CPLX2: variants seen among roughly 807,000 people sequenced by gnomAD.
CPLX2 encodes complexin 2.
Under a neutral mutation model 16.3 loss-of-function variants are expected in CPLX2, and 5 were observed. That is an observed-to-expected ratio of 0.31 (90% CI 0.16 to 0.64). The LOEUF is 0.64. Among genes scored for constraint, CPLX2 ranks in the 30% least tolerant of loss-of-function variants. CPLX2 has a pLI of 0.79. For missense variants in CPLX2, 144 were observed against 181.4 expected (o/e 0.79, Z 1.18); for synonymous variants, 89 against 73.2 (o/e 1.22, Z -1.10).
intron 2 of CPLX2, among the ~76,000 whole-genome samples, chr5:175,827,843 T>C (rs1393090108): frequency 6.6e-6 from 1 of 152,158 alleles, no homozygotes; most frequent in African/African-American, 2.4e-5. Context: ...AAAAACCAAC[T>C]GCAACTATTC....
At chr5:175,862,908 C>A (rs1561787221) in intron 2 of CPLX2, among the ~76,000 whole-genome samples, 1 of 152,122 alleles carries the variant, frequency 6.6e-6, no homozygotes, top group Non-Finnish European at 1.5e-5. Flanking sequence ...TGATGCCACA[C>A]GAGGAAGGAG....
At chr5:175,797,318 G>A (rs1758004991) in intron 1 of CPLX2, among the ~76,000 whole-genome samples, 1 of 152,154 alleles carries the variant, frequency 6.6e-6, no homozygotes, top group Non-Finnish European at 1.5e-5. Flanking sequence ...TAGCACAGCC[G>A]CGCGTCTCCG....
chr5:175,836,992 A>G (rs1210886005), intron 2 of CPLX2, among the ~76,000 whole-genome samples: 1 of 152,256 alleles, frequency 6.6e-6, no homozygotes, highest in East Asian at 1.9e-4. Context: ...TCAGTTCTCA[A>G]GAAAACCTCT....
chr5:175,842,483 C>T (rs928031939), intron 2 of CPLX2, among the ~76,000 whole-genome samples: 2 of 152,256 alleles, frequency 1.3e-5, no homozygotes, highest in African/African-American at 4.8e-5. Context: ...CAGCTCTCAG[C>T]TCCTTTAGCA....
At chr5:175,804,823 A>G (rs950429307) in intron 1 of CPLX2, among the ~76,000 whole-genome samples, 1 of 152,146 alleles carries the variant, frequency 6.6e-6, no homozygotes, top group Non-Finnish European at 1.5e-5. Context: ...TGACTACCCA[A>G]CCCTGTTAGA....
intron 1 of CPLX2, among the ~76,000 whole-genome samples, chr5:175,803,325 C>T (rs1471545130): frequency 2.6e-5 from 4 of 152,148 alleles, no homozygotes; most frequent in African/African-American, 9.7e-5. Flanking sequence ...CTCTATGGAG[C>T]TCACTTTCTA....
intron 2 of CPLX2, among the ~76,000 whole-genome samples, chr5:175,853,577 TATGCTGGGGAC>T (rs1270037133): frequency 6.6e-6 from 1 of 152,110 alleles, no homozygotes; most frequent in Admixed American, 6.5e-5. Flanking sequence ...TGCCCTGAGA[TATGCTGGGGAC>T]AAGGGGCAGA....
intron 2 of CPLX2, among the ~76,000 whole-genome samples, chr5:175,834,282 G>C (rs967258613): frequency 6.6e-6 from 1 of 152,152 alleles, no homozygotes; most frequent in Non-Finnish European, 1.5e-5. Context: ...GCTCAGAAAC[G>C]GTCCAGAGAT....
chr5:175,850,337 C>T (rs1759127833), intron 2 of CPLX2, among the ~76,000 whole-genome samples: 1 of 152,110 alleles, frequency 6.6e-6, no homozygotes, highest in South Asian at 2.1e-4. Flanking sequence ...GTATGGAAAA[C>T]GCAAGTCTGG....
intron 2 of CPLX2, among the ~76,000 whole-genome samples, chr5:175,829,523 G>A (rs1863931): frequency 0.24 from 37,221 of 152,074 alleles, 5,346 homozygotes; most frequent in African/African-American, 0.38. Context: ...CCTTCCCTCG[G>A]ACTTCTGCTG....
intron 2 of CPLX2, among the ~76,000 whole-genome samples, chr5:175,865,728 C>G (rs554577916): frequency 1.3e-5 from 2 of 152,314 alleles, no homozygotes; most frequent in Admixed American, 6.5e-5. Flanking sequence ...ACTCTATTGA[C>G]CCAGGGCAAG....
rs1030408282 is a variant in CPLX2, at chr5:175,881,663, T to G, written c.*1618T>G. 18 of 152,752 alleles carry G rather than the reference T, an allele frequency of 1.2e-4. No homozygotes were observed. Among genetic ancestry groups the G allele is most frequent in the African/African-American group, 4.3e-4 (18 of 41,460 alleles). 9.5% of individuals were successfully genotyped at this position (152,752 alleles called of 1,614,324 possible). A position where few individuals can be genotyped will look rare whatever the true frequency, so the allele number is the denominator to read the frequency against. On this transcript the variant is annotated 3_prime_UTR_variant, in exon 4 of 4. Coordinates refer to ENST00000393745, the MANE Select transcript of CPLX2 (RefSeq NM_001008220.2). ...TGTCCCTTCCCAGCCCTGAGACCAC[T>G]GGTCACAGTTGGCCACCTCCAACGG...
At chr5:175,826,847 A>C (rs1331907642) in intron 2 of CPLX2, among the ~76,000 whole-genome samples, 1 of 152,194 alleles carries the variant, frequency 6.6e-6, no homozygotes, top group East Asian at 1.9e-4. Context: ...GTTGCAAGTG[A>C]GCAAAATCCA....
chr5:175,862,147 T>C (rs559585321), intron 2 of CPLX2, among the ~76,000 whole-genome samples: 6 of 152,356 alleles, frequency 3.9e-5, no homozygotes, highest in Non-Finnish European at 8.8e-5. Flanking sequence ...TTTCTCACCA[T>C]GTATCCCCAG....
chr5:175,844,690 T>TGG (rs1025229411), intron 2 of CPLX2, among the ~76,000 whole-genome samples: 5 of 152,246 alleles, frequency 3.3e-5, no homozygotes, highest in African/African-American at 7.2e-5. Context: ...GGCCGGAGGC[T>TGG]GGCGGAGCTT....
intron 2 of CPLX2, chr5:175,837,389 G>A (rs1250247509): frequency 6.6e-6 from 1 of 152,158 alleles, no homozygotes; most frequent in Non-Finnish European, 1.5e-5. Flanking sequence ...CAGGCTGCAG[G>A]GGAAGATGAA....
In CPLX2 at chr5:175,809,390, C is replaced by G. The variant is rs1300553937; in HGVS notation, c.-89+322C>G. ...AAAGGACTTGCCTAAAGACACACAG[C>G]TGGTAGGTAGCTAAGGCTGAATTCC... On this transcript the variant is annotated intron_variant, in intron 2 of 4. Coordinates refer to the CPLX2 transcript ENST00000359546. The surrounding 1 kb of genome is among the most constrained non-coding windows in gnomAD (Gnocchi z 4.4). 1.3e-5 allele frequency: 2 copies of G among 152,246 alleles called. No homozygotes were observed. The highest frequency in any genetic ancestry group is 2.9e-5 in the Non-Finnish European group (2 of 68,060). The allele number at this position is 152,246 out of a possible 1,614,324, so 9.4% of individuals were successfully genotyped here.
chr5:175,824,024 T>A (rs1758561279), intron 2 of CPLX2, among the ~76,000 whole-genome samples: 1 of 152,124 alleles, frequency 6.6e-6, no homozygotes, highest in African/African-American at 2.4e-5. Context: ...AAGGGACCGA[T>A]CCTCCTGTCC....
chr5:175,859,206 T>C (rs1421571526), intron 2 of CPLX2, among the ~76,000 whole-genome samples: 4 of 152,234 alleles, frequency 2.6e-5, no homozygotes, highest in African/African-American at 9.6e-5. Context: ...ATTTAAAACT[T>C]GATGACTTGG....
Sources: gnomAD v4.1 joint callset for allele counts (sites outside exome capture counted in the v4.1 genomes callset) on GRCh38, gnomAD v4.1.1 for gene constraint, Gnocchi (gnomAD v3.1) non-coding constraint, MANE v1.5 for transcripts, NCBI Gene and HGNC (gene_info 2026-07-23, HGNC 2026-07-21) for gene names.